The following GABRG3 variants were observed in gnomAD, a reference collection of about 807,000 sequenced individuals.
The protein encoded by GABRG3 is gamma-aminobutyric acid type A receptor subunit gamma3, also known as gamma-aminobutyric acid receptor subunit gamma-3.
GABRG3 carries 25 observed loss-of-function variants against 48.8 expected under a neutral mutation model. The ratio of observed to expected loss-of-function variants is 0.51; its 90% CI spans 0.37 to 0.72. The LOEUF is 0.72. Among genes scored for constraint, GABRG3 ranks in the 30% least tolerant of loss-of-function variants. The pLI is 0.00. For synonymous variants in GABRG3, 227 were observed against 217.6 expected (o/e 1.04, Z -0.38); for missense variants, 394 against 577.9 (o/e 0.68, Z 3.26).
At chr15:27,159,432 A>C (rs1277816004) in intron 3 of GABRG3, among the ~76,000 whole-genome samples, 2 of 151,736 alleles carry the variant, frequency 1.3e-5, no homozygotes, top group African/African-American at 4.8e-5. Context: ...CAGTGATCCG[A>C]GATTGCGCCA....
At chr15:27,280,639 C>T (rs1050158046) in intron 3 of GABRG3, among the ~76,000 whole-genome samples, 1 of 152,098 alleles carries the variant, frequency 6.6e-6, no homozygotes, top group African/African-American at 2.4e-5. Flanking sequence ...AGCAAACTTT[C>T]TTGTAATCTT....
At chr15:26,981,996 C>T (rs1455642132) in intron 2 of GABRG3, among the ~76,000 whole-genome samples, 1 of 152,104 alleles carries the variant, frequency 6.6e-6, no homozygotes, top group African/African-American at 2.4e-5. Flanking sequence ...TCAGTTGCCT[C>T]TCCTATGCAA....
intron 5 of GABRG3, among the ~76,000 whole-genome samples, chr15:27,403,427 C>T (rs932332113): frequency 1.3e-5 from 2 of 152,100 alleles, no homozygotes; most frequent in African/African-American, 4.8e-5. Context: ...CCTATAAACT[C>T]CAATCATGGT....
intron 6 of GABRG3, among the ~76,000 whole-genome samples, chr15:27,503,023 G>A (rs1006155845): frequency 5.9e-5 from 9 of 152,152 alleles, no homozygotes; most frequent in African/African-American, 2.2e-4. Flanking sequence ...TGGTTAAACC[G>A]ATGGCCATTG....
At chr15:27,147,575 A>G (rs961676658) in intron 3 of GABRG3, among the ~76,000 whole-genome samples, 4 of 152,126 alleles carry the variant, frequency 2.6e-5, no homozygotes, top group Middle Eastern at 3.4e-3. Flanking sequence ...GTATTATGCC[A>G]TTAAATAAGT....
chr15:27,403,904 C>CAA (rs1244077952), intron 5 of GABRG3, among the ~76,000 whole-genome samples: 2 of 39,176 alleles, frequency 5.1e-5, no homozygotes, highest in African/African-American at 1.3e-4. Context: ...AAGCCAGACT[C>CAA]AAAAAAAAAC....
intron 5 of GABRG3, among the ~76,000 whole-genome samples, chr15:27,402,475 G>A (rs1887502144): frequency 6.6e-6 from 1 of 152,174 alleles, no homozygotes; most frequent in Non-Finnish European, 1.5e-5. Flanking sequence ...GACAAAATGA[G>A]CCTAAGGCCC....
chr15:27,087,982 C>T (rs1454205009), intron 3 of GABRG3, among the ~76,000 whole-genome samples: 3 of 137,536 alleles, frequency 2.2e-5, no homozygotes, highest in African/African-American at 8.3e-5. Flanking sequence ...TGTGCATGTG[C>T]GTGTCTCTGT....
chr15:27,046,300 C>T (rs35009097), intron 3 of GABRG3, among the ~76,000 whole-genome samples: 11,995 of 149,856 alleles, frequency 0.08, 779 homozygotes, highest in Admixed American at 0.2. Context: ...AGACTGGTTT[C>T]TCCATGTTTG....
chr15:27,049,856 A>G (rs771332234), intron 3 of GABRG3, among the ~76,000 whole-genome samples: 1 of 152,214 alleles, frequency 6.6e-6, no homozygotes, highest in Non-Finnish European at 1.5e-5. Flanking sequence ...CACCTGTGTG[A>G]CAGCAGGACA....
intron 5 of GABRG3, among the ~76,000 whole-genome samples, chr15:27,448,097 G>A (rs1888996359): frequency 6.6e-6 from 1 of 151,190 alleles, no homozygotes; most frequent in African/African-American, 2.5e-5. Context: ...AAGGTGCCAT[G>A]TATTAAGTAA....
intron 5 of GABRG3, among the ~76,000 whole-genome samples, chr15:27,402,010 G>A (rs1380884509): frequency 1.3e-5 from 2 of 152,052 alleles, no homozygotes; most frequent in Non-Finnish European, 1.5e-5. Context: ...AAACATAGCT[G>A]GTAACCCCAT....
chr15:27,442,103 C>A (rs2140633665), intron 5 of GABRG3, among the ~76,000 whole-genome samples: 1 of 152,254 alleles, frequency 6.6e-6, no homozygotes, highest in Admixed American at 6.5e-5. Context: ...CTGCCAGGAG[C>A]TGAGGGTTTG....
chr15:27,226,648 A>G (rs1284118437), intron 3 of GABRG3, among the ~76,000 whole-genome samples: 2 of 152,208 alleles, frequency 1.3e-5, no homozygotes, highest in Non-Finnish European at 2.9e-5. Context: ...AACGGGCACT[A>G]TGCGGGGCAG....
chr15:27,392,423 T>A (rs1038258623), intron 5 of GABRG3, among the ~76,000 whole-genome samples: 2 of 152,176 alleles, frequency 1.3e-5, no homozygotes, highest in Non-Finnish European at 2.9e-5. Flanking sequence ...TTGTACAATG[T>A]TTTTATTATC....
At chr15:27,299,965 T>A (rs558857786) in intron 3 of GABRG3, among the ~76,000 whole-genome samples, 1 of 152,322 alleles carries the variant, frequency 6.6e-6, no homozygotes, top group African/African-American at 2.4e-5. Flanking sequence ...GGCTTGTGTA[T>A]GTCTAGATCT....
At chr15:27,505,499 T>C (rs1416604034) in intron 6 of GABRG3, among the ~76,000 whole-genome samples, 3 of 152,208 alleles carry the variant, frequency 2.0e-5, no homozygotes, top group African/African-American at 7.2e-5. Flanking sequence ...TGCTAGAAGC[T>C]TTTAATTATA....
At chr15:27,346,621 G>T (rs542903668) in intron 5 of GABRG3, among the ~76,000 whole-genome samples, 1 of 122,056 alleles carries the variant, frequency 8.2e-6, no homozygotes, top group Admixed American at 9.7e-5. Context: ...GAATGTTCTA[G>T]TCTTGCTTTT....
chr15:27,110,543 T>C (rs1295549841), intron 3 of GABRG3, among the ~76,000 whole-genome samples: 2 of 151,834 alleles, frequency 1.3e-5, no homozygotes, highest in Admixed American at 1.3e-4. Flanking sequence ...TTTTAACATA[T>C]TTTTTGTAGA....
Sources: allele counts gnomAD v4.1 joint callset (sites outside exome capture counted in the v4.1 genomes callset), GRCh38; gene constraint gnomAD v4.1.1; transcripts MANE v1.5; gene names NCBI Gene and HGNC (gene_info 2026-07-23, HGNC 2026-07-21).